Variants in FMN2 observed in about 807,000 individuals in gnomAD.
The protein encoded by FMN2 is formin-2.
A neutral mutation model predicts 142.3 loss-of-function variants in FMN2; 51 were observed. The ratio of observed to expected loss-of-function variants is 0.36; its 90% CI spans 0.29 to 0.45. The LOEUF is 0.45. Ranked by LOEUF, FMN2 falls within the 20% of genes least tolerant of loss-of-function variation. FMN2 has a pLI of 1.00. For synonymous variants in FMN2, 882 were observed against 869.8 expected, an observed-to-expected ratio of 1.01 and a Z score of -0.25; for missense variants, 1,936 against 2,122.8, an observed-to-expected ratio of 0.91 and a Z score of 1.73.
chr1:240,248,458 T>A (rs1026318114), intron 6 of FMN2, among the ~76,000 whole-genome samples: 3 of 133,558 alleles, frequency 2.2e-5, no homozygotes, highest in Non-Finnish European at 4.8e-5. Context: ...TATATATATA[T>A]AACATACATG....
intron 1 of FMN2, 27 bp from the exon 2 acceptor site, chr1:240,123,152 C>A (rs1662351042): frequency 1.9e-6 from 3 of 1,613,126 alleles, no homozygotes; most frequent in Non-Finnish European, 1.7e-6. Context: ...GCAGTGCTCG[C>A]TCTTAATGAC....
chr1:240,290,260 C>T (rs1329566686), intron 7 of FMN2, among the ~76,000 whole-genome samples: 1 of 152,002 alleles, frequency 6.6e-6, no homozygotes, highest in Non-Finnish European at 1.5e-5. Context: ...ATTGGACTTC[C>T]AAAACAGGCC....
At chr1:240,298,095 A>G (rs953085369) in intron 8 of FMN2, among the ~76,000 whole-genome samples, 1 of 152,200 alleles carries the variant, frequency 6.6e-6, no homozygotes, top group Non-Finnish European at 1.5e-5. Context: ...GTAAACATTC[A>G]GCGTATAGTA....
chr1:240,222,122 G>A (rs1454630461), intron 6 of FMN2, among the ~76,000 whole-genome samples: 1 of 151,266 alleles, frequency 6.6e-6, no homozygotes, highest in Non-Finnish European at 1.5e-5. Flanking sequence ...GCAGGTTTTA[G>A]GTCTTGTGTT....
intron 14 of FMN2, among the ~76,000 whole-genome samples, chr1:240,372,965 T>C (rs1672921132): frequency 6.6e-6 from 1 of 152,044 alleles, no homozygotes; most frequent in African/African-American, 2.4e-5. Flanking sequence ...GGCGGACAAA[T>C]CATGAGGTCA....
chr1:240,336,553 C>CAA lies in FMN2; in HGVS notation c.4765+2352_4765+2353dup, dbSNP rs552135436. Reference sequence around the variant, plus strand: ...GTTAAAAGGACTTCATGGTATTCTCCAAAAAAAAAAAAAAAAAAAAAAAAA... The same window carrying CAA: ...GTTAAAAGGACTTCATGGTATTCTCCAAAAAAAAAAAAAAAAAAAAAAAAAAA... On this transcript the variant is annotated intron_variant, in intron 13 of 17. Coordinates refer to ENST00000319653, the MANE Select transcript of FMN2 (RefSeq NM_020066.5). Among the ~76,000 whole-genome samples, 96 of 50,504 alleles carry CAA rather than the reference C, an allele frequency of 1.9e-3. 6 individuals carry two copies. The highest frequency in any genetic ancestry group is 9.9e-3 in the East Asian group (5 of 504). 33.1% of individuals were successfully genotyped at this position (50,504 alleles called of 152,430 possible). A position where few individuals can be genotyped will look rare whatever the true frequency, so the allele number is the denominator to read the frequency against.
intron 2 of FMN2, among the ~76,000 whole-genome samples, chr1:240,146,431 A>G (rs1169509286): frequency 4.0e-5 from 6 of 149,824 alleles, no homozygotes; most frequent in Admixed American, 2.7e-4. Context: ...GGCCAGGCAC[A>G]GTGGCTCACA....
At chr1:240,333,846 T>G (rs1012977686) in intron 11 of FMN2, 41 bp from the exon 12 acceptor site, 1 of 1,486,270 alleles carries the variant, frequency 6.7e-7, no homozygotes, top group African/African-American at 1.4e-5. Flanking sequence ...ATTTAATTAG[T>G]TAAAAAATAT....
intron 4 of FMN2, among the ~76,000 whole-genome samples, chr1:240,191,731 C>T (rs1396880945): frequency 6.6e-6 from 1 of 152,152 alleles, no homozygotes. Context: ...CTGGTAGCCA[C>T]CTAGTTTCTA....
chr1:240,260,840 A>G (rs977604690), intron 7 of FMN2, among the ~76,000 whole-genome samples: 2 of 152,188 alleles, frequency 1.3e-5, no homozygotes, highest in Admixed American at 1.3e-4. Context: ...GCCAATGTCT[A>G]GAAGGGTTTT....
At chr1:240,252,285 G>C (rs958276907) in intron 6 of FMN2, among the ~76,000 whole-genome samples, 1 of 152,138 alleles carries the variant, frequency 6.6e-6, no homozygotes, top group East Asian at 1.9e-4. Context: ...TTGTGGTTTT[G>C]TAGTTTTCTA....
chr1:240,387,459 G>T (rs1319317009), intron 14 of FMN2, among the ~76,000 whole-genome samples: 1 of 152,150 alleles, frequency 6.6e-6, no homozygotes, highest in Admixed American at 6.5e-5. Flanking sequence ...TTTATTTACT[G>T]CTATGTCTTT....
rs1168567009 is a variant in FMN2 at position 240,231,036 on chromosome 1, A to G, written c.4065+19801A>G. ...TAACTTGTTTTGTTTTGAAAGCTAG[A>G]TTGCAGTATTCCCCCAGTGATGCCA... is the stretch of plus-strand genomic sequence containing the variant. On this transcript the variant is annotated intron_variant, in intron 6 of 17. Transcript: ENST00000319653. 1.5e-5 allele frequency among the ~76,000 whole-genome samples: 2 copies of G among 131,796 alleles called. 1 individual carries two copies. Among genetic ancestry groups the G allele is most frequent in the Non-Finnish European group, 3.2e-5 (2 of 62,898 alleles). 86.5% of individuals were successfully genotyped at this position (131,796 alleles called of 152,430 possible).
At chr1:240,225,477 T>G (rs2103430685) in intron 6 of FMN2, among the ~76,000 whole-genome samples, 1 of 152,296 alleles carries the variant, frequency 6.6e-6, no homozygotes, top group African/African-American at 2.4e-5. Flanking sequence ...TGCAGGAATG[T>G]CAGGCTGCTC....
intron 7 of FMN2, among the ~76,000 whole-genome samples, chr1:240,284,970 G>T (rs989719444): frequency 5.9e-5 from 9 of 151,970 alleles, no homozygotes; most frequent in African/African-American, 2.2e-4. Flanking sequence ...CCTGTTATTT[G>T]GATGTTGGCC....
intron 1 of FMN2, among the ~76,000 whole-genome samples, chr1:240,097,784 C>T (rs375760379): frequency 1.3e-5 from 2 of 152,062 alleles, no homozygotes; most frequent in African/African-American, 4.8e-5. Flanking sequence ...TTCTAAGTGC[C>T]AGACTCTGTT....
intron 6 of FMN2, among the ~76,000 whole-genome samples, chr1:240,211,579 A>G (rs182635633): frequency 6.6e-6 from 1 of 152,236 alleles, no homozygotes; most frequent in African/African-American, 2.4e-5. Flanking sequence ...GAAAGAAAGG[A>G]AAGAGTGGGC....
At chr1:240,423,613 G>T (rs571371362) in intron 15 of FMN2, among the ~76,000 whole-genome samples, 1 of 152,120 alleles carries the variant, frequency 6.6e-6, no homozygotes, top group Non-Finnish European at 1.5e-5. Flanking sequence ...ACTCCCAAAG[G>T]ACAATGATAT....
At chr1:240,185,268 C>G (rs978277945) in intron 3 of FMN2, among the ~76,000 whole-genome samples, 1 of 151,788 alleles carries the variant, frequency 6.6e-6, no homozygotes, top group East Asian at 1.9e-4. Flanking sequence ...TTTCTCTTCT[C>G]TCCCAGTGGT....
Sources: gnomAD v4.1 joint callset for allele counts (sites outside exome capture counted in the v4.1 genomes callset) on GRCh38, gnomAD v4.1.1 for gene constraint, MANE v1.5 for transcripts, NCBI Gene and HGNC (gene_info 2026-07-23, HGNC 2026-07-21) for gene names.